SLC35D4: variants seen among roughly 807,000 people sequenced by gnomAD.
SLC35D4 encodes the protein solute carrier family 35 member D4, also known as UDP-N-acetylglucosamine transporter SLC35D4.
the SLC35D4 span, among the ~76,000 whole-genome samples, chr18:23,278,141 T>A: frequency 6.6e-6 from 1 of 152,170 alleles, no homozygotes; most frequent in Non-Finnish European, 1.5e-5. Context: ...TCCTACTCTC[T>A]TCTTGGGAAG....
At chr18:23,381,573 TAACAAC>T in the SLC35D4 span, among the ~76,000 whole-genome samples, 1,514 of 152,202 alleles carry the variant, frequency 9.9e-3, 57 homozygotes, top group East Asian at 0.1. Context: ...TTTGTTTTAA[TAACAAC>T]AACAACAACA....
the SLC35D4 span, among the ~76,000 whole-genome samples, chr18:23,293,941 A>T: frequency 0.88 from 133,648 of 152,052 alleles, 59,151 homozygotes; most frequent in East Asian, 1. Context: ...TACAGGCGTG[A>T]GCCACCATGC....
At chr18:23,277,886 C>T in the SLC35D4 span, among the ~76,000 whole-genome samples, 5 of 152,134 alleles carry the variant, frequency 3.3e-5, no homozygotes, top group East Asian at 1.9e-4. Flanking sequence ...AGGAGTCTGT[C>T]TAAAGTTGGA....
chr18:23,247,845 C>T, the SLC35D4 span, among the ~76,000 whole-genome samples: 29,566 of 152,224 alleles, frequency 0.19, 3,616 homozygotes, highest in Non-Finnish European at 0.27. Flanking sequence ...TGGAGAGCCT[C>T]GTCCTCCTGG....
chr18:23,414,457 G>A, the SLC35D4 span, among the ~76,000 whole-genome samples: 1 of 151,726 alleles, frequency 6.6e-6, no homozygotes, highest in African/African-American at 2.4e-5. Context: ...TGGATCACCT[G>A]AGGTCAGGAG....
the SLC35D4 span, among the ~76,000 whole-genome samples, chr18:23,412,541 CCTT>C: frequency 6.6e-6 from 1 of 152,028 alleles, no homozygotes; most frequent in Admixed American, 6.6e-5. Flanking sequence ...CCCCTTTCTC[CCTT>C]CTTCTCACTT....
the SLC35D4 span, among the ~76,000 whole-genome samples, chr18:23,305,916 T>C: frequency 2.0e-5 from 3 of 152,188 alleles, no homozygotes; most frequent in African/African-American, 7.2e-5. Context: ...TTGGTAAATG[T>C]CTGTTTATTG....
the SLC35D4 span, among the ~76,000 whole-genome samples, chr18:23,246,246 A>G: frequency 6.7e-6 from 1 of 149,536 alleles, no homozygotes; most frequent in African/African-American, 2.5e-5. Flanking sequence ...AGCCTAGGTG[A>G]CAGAGTGAGA....
the SLC35D4 span, among the ~76,000 whole-genome samples, chr18:23,420,141 T>C: frequency 1.3e-5 from 2 of 151,856 alleles, no homozygotes; most frequent in East Asian, 1.9e-4. Context: ...CCGTCTCTAC[T>C]AAAAATACAA....
chr18:23,296,966 C>T, the SLC35D4 span: 1 of 152,092 alleles, frequency 6.6e-6, no homozygotes, highest in East Asian at 1.9e-4. Context: ...CATAAAAAGG[C>T]TGTCACTCAC....
chr18:23,426,288 G>A, the SLC35D4 span, among the ~76,000 whole-genome samples: 1 of 151,988 alleles, frequency 6.6e-6, no homozygotes, highest in African/African-American at 2.4e-5. Context: ...AGAACAAATT[G>A]CAAAAATTAT....
chr18:23,415,128 T>C, the SLC35D4 span, among the ~76,000 whole-genome samples: 1 of 152,110 alleles, frequency 6.6e-6, no homozygotes, highest in Non-Finnish European at 1.5e-5. Context: ...AATATATAAA[T>C]AAATTTTTTT....
At chr18:23,410,333 C>T in the SLC35D4 span, among the ~76,000 whole-genome samples, 8 of 151,898 alleles carry the variant, frequency 5.3e-5, no homozygotes, top group African/African-American at 9.7e-5. Flanking sequence ...AAAAATTATC[C>T]GGGTGCGGTG....
chr18:23,241,753 C>T, the SLC35D4 span, among the ~76,000 whole-genome samples: 3 of 152,162 alleles, frequency 2.0e-5, no homozygotes, highest in East Asian at 5.8e-4. Flanking sequence ...GAATGTTTAT[C>T]TTTGTGCGTG....
the SLC35D4 span, among the ~76,000 whole-genome samples, chr18:23,239,383 G>T: frequency 1.4e-4 from 22 of 152,202 alleles, no homozygotes; most frequent in African/African-American, 4.6e-4. Context: ...TCCTATTCTG[G>T]CCACAGATGT....
At chr18:23,429,346 G>A in the SLC35D4 span, among the ~76,000 whole-genome samples, 8 of 151,542 alleles carry the variant, frequency 5.3e-5, no homozygotes, top group African/African-American at 1.5e-4. Context: ...CCAAAACTTC[G>A]CCAACATGTT....
At chr18:23,280,317 C>T in the SLC35D4 span, among the ~76,000 whole-genome samples, 3 of 152,354 alleles carry the variant, frequency 2.0e-5, no homozygotes, top group African/African-American at 4.8e-5. Flanking sequence ...AGGTTATTAA[C>T]GGTCTCCACT....
the SLC35D4 span, among the ~76,000 whole-genome samples, chr18:23,371,692 CTGCCATCACAAAGTTCAA>C: frequency 6.6e-6 from 1 of 151,876 alleles, no homozygotes. Flanking sequence ...ATGCCCCACA[CTGCCATCACAAAGTTCAA>C]ATCCAAACTC....
At chr18:23,243,872 C>CAAAA in the SLC35D4 span, among the ~76,000 whole-genome samples, 2 of 109,904 alleles carry the variant, frequency 1.8e-5, no homozygotes, top group African/African-American at 5.9e-5. Flanking sequence ...GACTCCGTTT[C>CAAAA]AAAAAAAAAA....
Sources: allele counts gnomAD v4.1 joint callset (sites outside exome capture counted in the v4.1 genomes callset), GRCh38; gene constraint gnomAD v4.1.1; transcripts MANE v1.5; gene names NCBI Gene and HGNC (gene_info 2026-07-23, HGNC 2026-07-21).